The following AFG1L variants were observed in gnomAD, a reference collection of about 807,000 sequenced individuals.
AFG1L encodes AFG1 like ATPase, also known as AFG1-like ATPase.
A neutral mutation model predicts 62.2 loss-of-function variants in AFG1L; 53 were observed. The ratio of observed to expected loss-of-function variants is 0.85; its 90% CI spans 0.68 to 1.07. The LOEUF is 1.07. AFG1L is among the 50% of genes least tolerant of loss of function. AFG1L has a pLI of 0.00. For synonymous variants in AFG1L, 228 were observed against 210.3 expected (o/e 1.08, Z -0.73); for missense variants, 555 against 590.5 (o/e 0.94, Z 0.62).
intron 6 of AFG1L, among the ~76,000 whole-genome samples, chr6:108,400,681 T>TAA (rs1781535559): frequency 1.1e-5 from 1 of 89,070 alleles, no homozygotes; most frequent in East Asian, 2.4e-4. Flanking sequence ...ATATTATATA[T>TAA]TATATAATTA....
chr6:108,524,272 C>T lies in AFG1L; in HGVS notation c.*1847C>T, dbSNP rs1486883147. 7.2e-5 allele frequency: 11 copies of T among 152,056 alleles called. No homozygotes were observed. The highest frequency in any genetic ancestry group is 7.2e-4 in the Admixed American group (11 of 15,256). The allele number at this position is 152,056 out of a possible 1,614,324, so 9.4% of individuals were successfully genotyped here. On this transcript the variant is annotated 3_prime_UTR_variant, in exon 13 of 13. Transcript: ENST00000368977. ...ATCTTAGCTTTTTACTTTTCACATTCCTTTGGTAATTATTCTGTATCTTAA... is the reference window on the plus strand; with the variant it reads ...ATCTTAGCTTTTTACTTTTCACATTTCTTTGGTAATTATTCTGTATCTTAA...
chr6:108,416,871 T>A (rs1770319200), intron 7 of AFG1L, among the ~76,000 whole-genome samples: 1 of 151,972 alleles, frequency 6.6e-6, no homozygotes, highest in African/African-American at 2.4e-5. Context: ...CATGTATAGA[T>A]AGGTAACAAA....
rs1184074963 is a variant in AFG1L, at chr6:108,446,491, C to CTTTT, written c.808-705_808-702dup. 2.9e-3 allele frequency among the ~76,000 whole-genome samples: 353 copies of CTTTT among 122,096 alleles called. 1 individual carries two copies. The highest frequency in any genetic ancestry group is 6.4e-3 in the African/African-American group (183 of 28,502). 80.1% of individuals were successfully genotyped at this position (122,096 alleles called of 152,430 possible). On this transcript the variant is annotated intron_variant, in intron 7 of 12. Transcript: ENST00000368977. ...TGTTCTGGCCCAACTCTCTCTCTCT[C>CTTTT]TTTTTTTTTTTTTTTTTTTTTGTGT...
At chr6:108,358,350 G>A (rs191798561) in intron 5 of AFG1L, among the ~76,000 whole-genome samples, 199 of 152,198 alleles carry the variant, frequency 1.3e-3, no homozygotes, top group African/African-American at 4.6e-3. Context: ...AAAATGATCC[G>A]TAGTTTACAA....
intron 2 of AFG1L, among the ~76,000 whole-genome samples, chr6:108,326,787 CTG>C (rs1582379253): frequency 6.6e-6 from 1 of 152,166 alleles, no homozygotes; most frequent in East Asian, 1.9e-4. Context: ...TGATGAAACC[CTG>C]TCTCTACTAA....
At chr6:108,413,861 A>G (rs1229100320) in intron 7 of AFG1L, among the ~76,000 whole-genome samples, 4 of 152,200 alleles carry the variant, frequency 2.6e-5, no homozygotes, top group Admixed American at 1.3e-4. Context: ...TAAAAGAACT[A>G]GAGAAGCAAG....
intron 10 of AFG1L, among the ~76,000 whole-genome samples, chr6:108,477,651 A>G (rs1266540590): frequency 1.3e-5 from 2 of 152,344 alleles, no homozygotes; most frequent in South Asian, 2.1e-4. Flanking sequence ...TAATGCTATC[A>G]TGATCCAAGG....
intron 8 of AFG1L, among the ~76,000 whole-genome samples, chr6:108,472,947 C>T (rs1772963159): frequency 6.6e-6 from 1 of 151,858 alleles, no homozygotes; most frequent in Non-Finnish European, 1.5e-5. Flanking sequence ...GGATCACAGG[C>T]ACGCACCACC....
intron 7 of AFG1L, among the ~76,000 whole-genome samples, chr6:108,430,104 C>T (rs534500605): frequency 2.6e-5 from 4 of 152,150 alleles, no homozygotes; most frequent in East Asian, 1.9e-4. Flanking sequence ...CCCGCCACAA[C>T]GCCCGGCTAA....
At chr6:108,354,026 C>T (rs1243837628) in intron 3 of AFG1L, among the ~76,000 whole-genome samples, 1 of 152,110 alleles carries the variant, frequency 6.6e-6, no homozygotes, top group Non-Finnish European at 1.5e-5. Context: ...AATTACTAGA[C>T]AGGAAGTGAT....
chr6:108,347,657 T>G (rs1034291882), intron 3 of AFG1L, among the ~76,000 whole-genome samples: 4 of 152,206 alleles, frequency 2.6e-5, no homozygotes, highest in Non-Finnish European at 5.9e-5. Context: ...GACCTCATTC[T>G]TACTGAAATA....
intron 6 of AFG1L, among the ~76,000 whole-genome samples, chr6:108,369,443 C>T (rs1047702953): frequency 6.6e-6 from 1 of 151,966 alleles, no homozygotes; most frequent in Non-Finnish European, 1.5e-5. Context: ...ATCTTTTTGC[C>T]TTATGGTCAT....
At chr6:108,445,569 T>C (rs1318835498) in intron 7 of AFG1L, among the ~76,000 whole-genome samples, 1 of 151,686 alleles carries the variant, frequency 6.6e-6, no homozygotes, top group Non-Finnish European at 1.5e-5. Context: ...TAGAGGTCAT[T>C]GTAGGGCTAT....
At chr6:108,343,471 AT>A (rs1373608170) in intron 2 of AFG1L, among the ~76,000 whole-genome samples, 1 of 152,178 alleles carries the variant, frequency 6.6e-6, no homozygotes, top group Non-Finnish European at 1.5e-5. Flanking sequence ...ATGTAGCAGT[AT>A]TAGAATAGGC....
At chr6:108,414,352 A>T (rs183802808) in intron 7 of AFG1L, among the ~76,000 whole-genome samples, 1 of 152,336 alleles carries the variant, frequency 6.6e-6, no homozygotes, top group East Asian at 1.9e-4. Flanking sequence ...TACAAAGAGG[A>T]TCTGGTACCA....
At chr6:108,481,077 A>G (rs1773306263) in intron 10 of AFG1L, among the ~76,000 whole-genome samples, 1 of 152,186 alleles carries the variant, frequency 6.6e-6, no homozygotes, top group African/African-American at 2.4e-5. Flanking sequence ...AGAGGCCCCA[A>G]GCCTTAGGCA....
chr6:108,331,216 G>A (rs1164940560), intron 2 of AFG1L, among the ~76,000 whole-genome samples: 1 of 152,154 alleles, frequency 6.6e-6, no homozygotes, highest in Non-Finnish European at 1.5e-5. Flanking sequence ...AGCCCAGAAG[G>A]TTGAGGCTGC....
chr6:108,341,385 A>G (rs1280883964), intron 2 of AFG1L, among the ~76,000 whole-genome samples: 1 of 152,190 alleles, frequency 6.6e-6, no homozygotes, highest in African/African-American at 2.4e-5. Flanking sequence ...GGATGTGTCA[A>G]AGGGTGTGAT....
At chr6:108,503,360 G>A (rs1441929193) in intron 10 of AFG1L, among the ~76,000 whole-genome samples, 1 of 152,166 alleles carries the variant, frequency 6.6e-6, no homozygotes, top group Non-Finnish European at 1.5e-5. Context: ...TGATCCATGG[G>A]CTGCAGAATG....
Sources: allele counts gnomAD v4.1 joint callset (sites outside exome capture counted in the v4.1 genomes callset), GRCh38; gene constraint gnomAD v4.1.1; transcripts MANE v1.5; gene names NCBI Gene and HGNC (gene_info 2026-07-23, HGNC 2026-07-21).